The following PARVA variants were observed in gnomAD, a reference collection of about 807,000 sequenced individuals.
PARVA encodes parvin alpha, also known as alpha-parvin.
Under a neutral mutation model 52.6 loss-of-function variants are expected in PARVA, and 25 were observed. The ratio of observed to expected loss-of-function variants is 0.48; its 90% CI spans 0.35 to 0.66. The LOEUF is 0.66. Ranked by LOEUF, PARVA falls within the 30% of genes least tolerant of loss-of-function variation. The probability of loss-of-function intolerance (pLI) is 0.01; values close to 1 mark genes in which losing one functional copy is unlikely to be tolerated. For synonymous variants in PARVA, 185 were observed against 179.1 expected (o/e 1.03, Z -0.26); for missense variants, 373 against 450.9 (o/e 0.83, Z 1.56).
chr11:12,396,680 G>T (rs116248287), intron 1 of PARVA, among the ~76,000 whole-genome samples: 2,209 of 152,302 alleles, frequency 0.015, 52 homozygotes, highest in African/African-American at 0.051. Context: ...GTCTTTGCTC[G>T]CATGGAACTT....
At chr11:12,506,832 GAATC>G (rs1388096914) in intron 6 of PARVA, among the ~76,000 whole-genome samples, 1 of 152,222 alleles carries the variant, frequency 6.6e-6, no homozygotes, top group Non-Finnish European at 1.5e-5. Context: ...GGGTGGAGGT[GAATC>G]AGGATGCTGT....
chr11:12,467,914 C>T (rs577964866), intron 1 of PARVA, among the ~76,000 whole-genome samples: 10 of 152,260 alleles, frequency 6.6e-5, no homozygotes, highest in African/African-American at 2.2e-4. Flanking sequence ...TATTCCATTC[C>T]TCACCCCCTT....
At chr11:12,517,576 A>C in intron 10 of PARVA, 34 bp from the exon 11 acceptor site, 1 of 1,468,836 alleles carries the variant, frequency 6.8e-7, no homozygotes, top group Non-Finnish European at 9.4e-7. Context: ...TGGGAGGCTC[A>C]GGGGCCAGTG....
chr11:12,497,600 G>A (rs1219969230), intron 5 of PARVA, among the ~76,000 whole-genome samples: 1 of 152,192 alleles, frequency 6.6e-6, no homozygotes, highest in African/African-American at 2.4e-5. Flanking sequence ...TTTGTGCACA[G>A]CATGATCAGC....
At chr11:12,510,681 TGAG>T (rs757754031) in intron 7 of PARVA, among the ~76,000 whole-genome samples, 2 of 151,934 alleles carry the variant, frequency 1.3e-5, no homozygotes, top group Non-Finnish European at 2.9e-5. Context: ...GCAGAGAAAA[TGAG>T]GAAGAAGCAA....
intron 12 of PARVA, among the ~76,000 whole-genome samples, chr11:12,522,628 A>G (rs10831840): frequency 0.58 from 88,196 of 151,504 alleles, 26,814 homozygotes; most frequent in East Asian, 0.68. Context: ...CATGTTGGCC[A>G]GGCTGGTCTT....
At chr11:12,394,615 T>TG (rs1173137249) in intron 1 of PARVA, among the ~76,000 whole-genome samples, 1 of 152,142 alleles carries the variant, frequency 6.6e-6, no homozygotes, top group Non-Finnish European at 1.5e-5. Context: ...TGTTGTAGAA[T>TG]GGTGGTGGGT....
intron 1 of PARVA, among the ~76,000 whole-genome samples, chr11:12,423,933 GTATT>G (rs1940189313): frequency 6.6e-6 from 1 of 151,954 alleles, no homozygotes; most frequent in African/African-American, 2.4e-5. Context: ...GAATTATTGT[GTATT>G]TATTTTTCTT....
At chr11:12,412,567 T>A (rs1198518303) in intron 1 of PARVA, among the ~76,000 whole-genome samples, 1 of 152,094 alleles carries the variant, frequency 6.6e-6, no homozygotes, top group East Asian at 1.9e-4. Flanking sequence ...TCAAAGAAAG[T>A]GTGTCAAAAG....
At chr11:12,464,530 T>C (rs766925494) in intron 1 of PARVA, among the ~76,000 whole-genome samples, 2 of 152,218 alleles carry the variant, frequency 1.3e-5, no homozygotes, top group African/African-American at 2.4e-5. Context: ...TTTGGTCTTA[T>C]AGAGTCATCT....
At chr11:12,518,321 C>T (rs1354635186) in intron 11 of PARVA, 124 bp from the exon 12 acceptor site, 2 of 704,044 alleles carry the variant, frequency 2.8e-6, no homozygotes, top group Non-Finnish European at 5.0e-6. Flanking sequence ...AGCCATATTT[C>T]TCCTTGAAAT....
At chr11:12,486,391 G>GGTATGT (rs1941159138) in intron 4 of PARVA, among the ~76,000 whole-genome samples, 1 of 152,020 alleles carries the variant, frequency 6.6e-6, no homozygotes, top group Non-Finnish European at 1.5e-5. Context: ...AAATTAGCCA[G>GGTATGT]GCATGGTGGC....
chr11:12,417,210 T>C (rs1049583406), intron 1 of PARVA, among the ~76,000 whole-genome samples: 8 of 152,172 alleles, frequency 5.3e-5, no homozygotes, highest in African/African-American at 1.9e-4. Flanking sequence ...TTGGACGAGG[T>C]TGTAAATCCT....
In PARVA at chr11:12,534,935, A is replaced by G. The variant is rs889095826; in HGVS notation, c.*7010A>G. 2.0e-5 allele frequency among the ~76,000 whole-genome samples: 3 copies of G among 152,212 alleles called. No homozygotes were observed. Among genetic ancestry groups the G allele is most frequent in the Non-Finnish European group, 4.4e-5 (3 of 68,030 alleles). Reference sequence around the variant, plus strand: ...TTATGTGTGTAATATTGGAGAATGTACACTCTCACTGAACTGGGGATGTTT... The same window carrying G: ...TTATGTGTGTAATATTGGAGAATGTGCACTCTCACTGAACTGGGGATGTTT... On this transcript the variant is annotated 3_prime_UTR_variant, in exon 13 of 13. Transcript: ENST00000334956.
At chr11:12,509,697 G>A (rs547141571) in intron 7 of PARVA, among the ~76,000 whole-genome samples, 1 of 152,314 alleles carries the variant, frequency 6.6e-6, no homozygotes, top group Admixed American at 6.5e-5. Flanking sequence ...TTCCCAAGAT[G>A]CCCTGTTTAT....
chr11:12,426,880 T>G (rs1189833579), intron 1 of PARVA, among the ~76,000 whole-genome samples: 1 of 152,122 alleles, frequency 6.6e-6, no homozygotes, highest in East Asian at 1.9e-4. Context: ...GACCAGGGGT[T>G]GCAGTGTGAC....
intron 4 of PARVA, among the ~76,000 whole-genome samples, chr11:12,495,503 T>C (rs1941287585): frequency 6.6e-6 from 1 of 152,224 alleles, no homozygotes; most frequent in Non-Finnish European, 1.5e-5. Flanking sequence ...TAGAAGTGAT[T>C]GGGTGAGTTC....
chr11:12,454,067 T>A (rs1455232009), intron 1 of PARVA, among the ~76,000 whole-genome samples: 2 of 152,086 alleles, frequency 1.3e-5, no homozygotes, highest in African/African-American at 2.4e-5. Context: ...GACAGTAACT[T>A]GGGGGGAAAA....
At chr11:12,382,157 A>G (rs1002689635) in intron 1 of PARVA, among the ~76,000 whole-genome samples, 3 of 152,242 alleles carry the variant, frequency 2.0e-5, no homozygotes, top group African/African-American at 7.2e-5. Flanking sequence ...GTGGTACAGT[A>G]TGTACTACAG....
Sources: gnomAD v4.1 joint callset for allele counts (sites outside exome capture counted in the v4.1 genomes callset) on GRCh38, gnomAD v4.1.1 for gene constraint, MANE v1.5 for transcripts, NCBI Gene and HGNC (gene_info 2026-07-23, HGNC 2026-07-21) for gene names.